The following RHOH variants were observed in gnomAD, a reference collection of about 807,000 sequenced individuals.
The protein encoded by RHOH is rho-related GTP-binding protein RhoH.
A neutral mutation model predicts 13.8 loss-of-function variants in RHOH; 6 were observed. The ratio of observed to expected loss-of-function variants is 0.44; its 90% CI spans 0.24 to 0.86. The LOEUF is 0.86. Ranked by LOEUF, RHOH falls within the 40% of genes least tolerant of loss-of-function variation. The pLI is 0.24. For missense variants in RHOH, 147 were observed against 244.5 expected (o/e 0.60, Z 2.66); for synonymous variants, 117 against 103.0 (o/e 1.14, Z -0.82).
At chr4:40,204,633 C>T (rs1724424801) in intron 1 of RHOH, among the ~76,000 whole-genome samples, 1 of 152,154 alleles carries the variant, frequency 6.6e-6, no homozygotes, top group Non-Finnish European at 1.5e-5. Flanking sequence ...GTGAGGAGCT[C>T]TGCCCTCAGC....
Position 40,244,131 on chromosome 4 carries a change from C to T in RHOH, c.*169C>T, listed in dbSNP as rs1729599684. 3 of 585,892 alleles carry T rather than the reference C, an allele frequency of 5.1e-6. No homozygotes were observed. In the African/African-American group the frequency reaches 5.6e-5, roughly 11 times the overall value. The allele number at this position is 585,892 out of a possible 1,614,324, so 36.3% of individuals were successfully genotyped here. ...CTTGGCCACTGGATGTTTTCACTAA[C>T]TACACTCTACAAGTGAACTCCTTGC... On this transcript the variant is annotated 3_prime_UTR_variant, in exon 3 of 3. Transcript: ENST00000381799.
chr4:40,199,491 CT>C (rs1222978313), intron 1 of RHOH, among the ~76,000 whole-genome samples: 2 of 152,104 alleles, frequency 1.3e-5, no homozygotes, highest in Non-Finnish European at 2.9e-5. Context: ...GGAAAACAAA[CT>C]TGGAAACCGC....
At chr4:40,221,286 T>G (rs1240851511) in intron 1 of RHOH, among the ~76,000 whole-genome samples, 1 of 152,202 alleles carries the variant, frequency 6.6e-6, no homozygotes, top group African/African-American at 2.4e-5. Context: ...TGGAAAACCC[T>G]TCCCAGATTG....
upstream of RHOH, among the ~76,000 whole-genome samples, chr4:40,191,658 T>C (rs1722715144): frequency 6.6e-6 from 1 of 152,238 alleles, no homozygotes; most frequent in South Asian, 2.1e-4. Context: ...TGTCTTCTTA[T>C]GAATTATGGC....
chr4:40,213,462 G>T lies in RHOH; in HGVS notation c.-331+16162G>T, dbSNP rs547654203. On this transcript the variant is annotated intron_variant, in intron 1 of 2. Coordinates refer to ENST00000381799, the MANE Select transcript of RHOH (RefSeq NM_004310.5). The stretch of plus-strand genomic sequence containing the variant: ...TGGAACACGGAAGAGTCTTCTGGGA[G>T]GTTTTAAAATTTAATTTTAGTCAGA... Among the ~76,000 whole-genome samples the T allele has an allele frequency of 5.3e-3, 806 of 151,550 alleles. 8 individuals carry two copies. The highest frequency in any genetic ancestry group is 0.018 in the African/African-American group (748 of 41,270).
chr4:40,225,316 C>A (rs1298116302), intron 1 of RHOH, among the ~76,000 whole-genome samples: 2 of 152,008 alleles, frequency 1.3e-5, no homozygotes, highest in African/African-American at 2.4e-5. Context: ...AAACTCCTGG[C>A]CTTGAGCAAT....
At chr4:40,231,308 T>C (rs1177852854) in intron 1 of RHOH, among the ~76,000 whole-genome samples, 1 of 145,488 alleles carries the variant, frequency 6.9e-6, no homozygotes, top group Non-Finnish European at 1.5e-5. Flanking sequence ...GACCCACCTA[T>C]TCTTAGGTGA....
chr4:40,243,253 G>A lies in RHOH; in HGVS notation c.-134G>A, dbSNP rs1188579050. 9 of 647,136 alleles carry A rather than the reference G, an allele frequency of 1.4e-5. No individual in the cohort carries two copies. The East Asian group carries it at 1.4e-4, about 10-fold the overall frequency. The allele number at this position is 647,136 out of a possible 1,614,324, so 40.1% of individuals were successfully genotyped here. On this transcript the variant is annotated 5_prime_UTR_variant, in exon 3 of 3. Transcript: ENST00000381799. This position sits in a 1 kb window ranked among gnomAD's most constrained non-coding sequence, Gnocchi z 6.2. ...AGGGAGAAGTAACATTCTGCAAATC[G>A]CCGTCAGAGGTCCTGAGGACACAGA...
rs1723243282 is a variant in RHOH at position 40,197,203 on chromosome 4, T to C, written c.-428T>C. ...AGGAAATCAACCACAGTGAAAAGGC[T>C]TGGGCCGCTTTTGTTTTCACCTGCT... On this transcript the variant is annotated 5_prime_UTR_variant, in exon 1 of 3. Coordinates refer to ENST00000381799, the MANE Select transcript of RHOH (RefSeq NM_004310.5). The C allele has an allele frequency of 6.6e-6, 1 of 152,244 alleles. No homozygotes were observed. The highest frequency in any genetic ancestry group is 2.4e-5 in the African/African-American group (1 of 41,452). 9.4% of individuals were successfully genotyped at this position (152,244 alleles called of 1,614,324 possible).
rs540723978 is a variant in RHOH, at chr4:40,207,742, G to A, written c.-331+10442G>A. 1.4e-4 allele frequency among the ~76,000 whole-genome samples: 21 copies of A among 152,302 alleles called. No homozygotes were observed. In the South Asian group the frequency reaches 1.9e-3, roughly 14 times the overall value. On this transcript the variant is annotated intron_variant, in intron 1 of 2. Transcript: ENST00000381799. The stretch of plus-strand genomic sequence containing the variant: ...GGCACTTTGGGAGGCCAAGGCGAAC[G>A]GATTACCTGAGGTCAGGAGTTCGAG...
intron 1 of RHOH, among the ~76,000 whole-genome samples, chr4:40,215,850 G>A (rs958855890): frequency 6.6e-6 from 1 of 152,170 alleles, no homozygotes; most frequent in African/African-American, 2.4e-5. Context: ...AACCTGGGAG[G>A]TGGAGAGGGT....
intron 1 of RHOH, among the ~76,000 whole-genome samples, chr4:40,221,508 G>A (rs966952135): frequency 9.2e-5 from 14 of 152,056 alleles, no homozygotes; most frequent in Admixed American, 5.9e-4. Context: ...CATTATTATT[G>A]TATCTGTTAT....
In RHOH at chr4:40,246,817, ATACT is replaced by A. The variant is rs1275141017; in HGVS notation, c.*2861_*2864del. ...TGTGTTGTGTGTTCTACATAAGCACATACTTACTTTTGCCTGCCTAGATGCAGAC... is the reference window on the plus strand; with the variant it reads ...TGTGTTGTGTGTTCTACATAAGCACATACTTTTGCCTGCCTAGATGCAGAC... On this transcript the variant is annotated 3_prime_UTR_variant, in exon 3 of 3. Coordinates refer to ENST00000381799, the MANE Select transcript of RHOH (RefSeq NM_004310.5). 1.3e-5 allele frequency: 2 copies of A among 152,254 alleles called. No homozygotes were observed. The highest frequency in any genetic ancestry group is 4.8e-5 in the African/African-American group (2 of 41,466). The allele number at this position is 152,254 out of a possible 1,614,324, so 9.4% of individuals were successfully genotyped here.
chr4:40,192,297 A>G (rs1305827822), upstream of RHOH, among the ~76,000 whole-genome samples: 1 of 152,190 alleles, frequency 6.6e-6, no homozygotes, highest in African/African-American at 2.4e-5. Flanking sequence ...GAAATATTTT[A>G]TTAGGTGGCA....
intron 1 of RHOH, among the ~76,000 whole-genome samples, chr4:40,220,446 T>G (rs1002781171): frequency 1.6e-4 from 24 of 152,166 alleles, no homozygotes; most frequent in African/African-American, 5.1e-4. Flanking sequence ...TCTCTTTAAT[T>G]TAGCATTTTA....
chr4:40,210,089 CGTGTGTGTGTGTGTGT>C (rs5857717), intron 1 of RHOH, among the ~76,000 whole-genome samples: 1 of 145,458 alleles, frequency 6.9e-6, no homozygotes, highest in African/African-American at 2.5e-5. Context: ...ACATTGTGTG[CGTGTGTGTGTGTGTGT>C]GTGTGTGTGT....
upstream of RHOH, chr4:40,191,263 A>T (rs1260820408): frequency 6.6e-6 from 1 of 152,194 alleles, no homozygotes; most frequent in African/African-American, 2.4e-5. Context: ...TTTGTCAATG[A>T]TTGCAAAATC....
intron 1 of RHOH, among the ~76,000 whole-genome samples, chr4:40,234,374 G>C (rs1392739434): frequency 6.6e-6 from 1 of 152,166 alleles, no homozygotes; most frequent in African/African-American, 2.4e-5. Flanking sequence ...GGGTGCTCTG[G>C]GTGGTTGCCT....
chr4:40,219,799 T>C (rs982893197), intron 1 of RHOH, among the ~76,000 whole-genome samples: 7 of 152,138 alleles, frequency 4.6e-5, no homozygotes, highest in Non-Finnish European at 1.0e-4. Flanking sequence ...GGATTGAAGC[T>C]GTCAAAGCAG....
Sources: allele counts gnomAD v4.1 joint callset (sites outside exome capture counted in the v4.1 genomes callset), GRCh38; gene constraint gnomAD v4.1.1; non-coding constraint Gnocchi (gnomAD v3.1); transcripts MANE v1.5; gene names NCBI Gene and HGNC (gene_info 2026-07-23, HGNC 2026-07-21).